The following RALYL variants were observed in gnomAD, a reference collection of about 807,000 sequenced individuals.
The protein encoded by RALYL is RNA-binding Raly-like protein.
In RALYL, 29 loss-of-function variants were observed where a neutral mutation model predicts 35.1. The observed-to-expected ratio is 0.83, with a 90% confidence interval of 0.61 to 1.13. The LOEUF (loss-of-function observed/expected upper bound fraction) is 1.13. Among genes scored for constraint, RALYL ranks in the 50% most tolerant of loss-of-function variants. RALYL has a pLI of 0.00. For synonymous variants in RALYL, 120 were observed against 127.6 expected (o/e 0.94, Z 0.40); for missense variants, 359 against 360.4 (o/e 1.00, Z 0.03).
intron 1 of RALYL, among the ~76,000 whole-genome samples, chr8:84,283,023 A>G (rs1836909382): frequency 6.6e-6 from 1 of 151,998 alleles, no homozygotes; most frequent in Non-Finnish European, 1.5e-5. Flanking sequence ...TAGAATAATT[A>G]TAATAATTAG....
chr8:84,504,406 AT>A (rs1564050959), intron 1 of RALYL, among the ~76,000 whole-genome samples: 1 of 152,250 alleles, frequency 6.6e-6, no homozygotes, highest in East Asian at 1.9e-4. Flanking sequence ...TAATTTTGGA[AT>A]TTAAGAGAGC....
At chr8:84,275,410 T>C (rs1295882473) in intron 1 of RALYL, among the ~76,000 whole-genome samples, 1 of 151,990 alleles carries the variant, frequency 6.6e-6, no homozygotes, top group African/African-American at 2.4e-5. Context: ...GTACTAACTT[T>C]TTTGTTACTG....
intron 1 of RALYL, among the ~76,000 whole-genome samples, chr8:84,494,646 T>A (rs2055784760): frequency 6.6e-6 from 1 of 152,132 alleles, no homozygotes; most frequent in Non-Finnish European, 1.5e-5. Flanking sequence ...GATATTTTAT[T>A]CTCTTTGTAG....
chr8:84,651,354 A>G (rs909034441), intron 2 of RALYL, among the ~76,000 whole-genome samples: 5 of 151,920 alleles, frequency 3.3e-5, no homozygotes, highest in African/African-American at 9.7e-5. Context: ...ACTATAATTA[A>G]TAACTTGTAT....
In RALYL at chr8:84,613,117, G is replaced by A. The variant is rs1011337443; in HGVS notation, c.256+83540G>A. On this transcript the variant is annotated intron_variant, in intron 2 of 8. Coordinates refer to ENST00000521268, the MANE Select transcript of RALYL (RefSeq NM_173848.7). Reference sequence around the variant, plus strand: ...AATACTAGAAAAAATAAAATATCTAGGTAAACACACAATTTCAATATAAAA... The same window carrying A: ...AATACTAGAAAAAATAAAATATCTAAGTAAACACACAATTTCAATATAAAA... Among the ~76,000 whole-genome samples the A allele has an allele frequency of 9.9e-5, 15 of 151,490 alleles. No individual in the cohort carries two copies. The East Asian group carries it at 2.7e-3, about 27-fold the overall frequency.
At chr8:84,315,393 T>C (rs1330634278) in intron 1 of RALYL, among the ~76,000 whole-genome samples, 1 of 152,188 alleles carries the variant, frequency 6.6e-6, no homozygotes, top group Non-Finnish European at 1.5e-5. Flanking sequence ...AAACTATTTG[T>C]ATATAAAAGA....
chr8:84,463,041 G>C (rs1413828159), intron 1 of RALYL, among the ~76,000 whole-genome samples: 1 of 151,866 alleles, frequency 6.6e-6, no homozygotes, highest in Admixed American at 6.6e-5. Context: ...TCATCCTTTT[G>C]AGAAATATAC....
At chr8:84,456,226 A>G (rs974503579) in intron 1 of RALYL, among the ~76,000 whole-genome samples, 2 of 151,974 alleles carry the variant, frequency 1.3e-5, no homozygotes, top group South Asian at 4.1e-4. Flanking sequence ...GGATCCCCCA[A>G]AAGTTTTTGA....
intron 5 of RALYL, among the ~76,000 whole-genome samples, chr8:84,853,622 T>C (rs1210059750): frequency 6.6e-6 from 1 of 152,224 alleles, no homozygotes; most frequent in Non-Finnish European, 1.5e-5. Flanking sequence ...GACTGAGCAG[T>C]CTGTGCTCTC....
intron 2 of RALYL, among the ~76,000 whole-genome samples, chr8:84,634,627 C>T (rs1408576373): frequency 6.6e-6 from 1 of 151,640 alleles, no homozygotes; most frequent in African/African-American, 2.4e-5. Flanking sequence ...ATATTCAATA[C>T]ATTTATTAAT....
In RALYL at chr8:84,338,889, T is replaced by C. The variant is rs534456408; in HGVS notation, c.-24+154465T>C. 1.1e-3 allele frequency among the ~76,000 whole-genome samples: 161 copies of C among 152,250 alleles called. 5 individuals are homozygous for C. In the South Asian group the frequency reaches 0.032, roughly 30 times the overall value. On this transcript the variant is annotated intron_variant, in intron 1 of 8. Transcript: ENST00000521268. Reference sequence around the variant, plus strand: ...AGTTTTATTTTGATGGTTCTGCCAATATGTCAAAATCAGTAACCTGCAATC... The same window carrying C: ...AGTTTTATTTTGATGGTTCTGCCAACATGTCAAAATCAGTAACCTGCAATC...
intron 2 of RALYL, among the ~76,000 whole-genome samples, chr8:84,608,051 G>A (rs993556626): frequency 4.0e-5 from 6 of 151,418 alleles, no homozygotes; most frequent in Admixed American, 6.6e-5. Context: ...ATCTTGTTGC[G>A]GTCTAGAAAC....
chr8:84,634,819 G>A (rs770371760), intron 2 of RALYL, among the ~76,000 whole-genome samples: 3 of 151,624 alleles, frequency 2.0e-5, no homozygotes, highest in Non-Finnish European at 4.4e-5. Flanking sequence ...CAACCACTCC[G>A]ATTTTTCTTG....
chr8:84,222,651 G>A (rs1822540518), intron 1 of RALYL, among the ~76,000 whole-genome samples: 1 of 152,120 alleles, frequency 6.6e-6, no homozygotes, highest in African/African-American at 2.4e-5. Flanking sequence ...TATTCTATGG[G>A]ATTAGGAAAA....
chr8:84,344,740 C>T (rs1248998730), intron 1 of RALYL, among the ~76,000 whole-genome samples: 2 of 152,074 alleles, frequency 1.3e-5, no homozygotes, highest in Non-Finnish European at 2.9e-5. Context: ...AATCTACCCT[C>T]TGCTACTATG....
chr8:84,845,438 A>G (rs1834437245), intron 4 of RALYL, among the ~76,000 whole-genome samples: 4 of 152,132 alleles, frequency 2.6e-5, no homozygotes. Flanking sequence ...GACGATGACC[A>G]TTTATTCATA....
intron 3 of RALYL, among the ~76,000 whole-genome samples, chr8:84,785,365 A>G (rs1819175591): frequency 6.6e-6 from 1 of 152,196 alleles, no homozygotes; most frequent in African/African-American, 2.4e-5. Context: ...GTGATTATAA[A>G]AAAAAATCAA....
chr8:84,721,029 A>G (rs535546902), intron 2 of RALYL, among the ~76,000 whole-genome samples: 6 of 152,050 alleles, frequency 3.9e-5, no homozygotes, highest in African/African-American at 1.2e-4. Context: ...TGGGAATGCA[A>G]ACTAGTACAG....
At chr8:84,767,332 A>G (rs1337192532) in intron 2 of RALYL, among the ~76,000 whole-genome samples, 1 of 152,218 alleles carries the variant, frequency 6.6e-6, no homozygotes, top group Non-Finnish European at 1.5e-5. Flanking sequence ...AAATTAAAGA[A>G]GAAACAAAAA....
Sources: gnomAD v4.1 joint callset for allele counts (sites outside exome capture counted in the v4.1 genomes callset) on GRCh38, gnomAD v4.1.1 for gene constraint, MANE v1.5 for transcripts, NCBI Gene and HGNC (gene_info 2026-07-23, HGNC 2026-07-21) for gene names.